PLCE1: variants seen among roughly 807,000 people sequenced by gnomAD.
PLCE1 encodes phospholipase C epsilon 1.
Under a neutral mutation model 242.8 loss-of-function variants are expected in PLCE1, and 119 were observed. The ratio of observed to expected loss-of-function variants is 0.49; its 90% CI spans 0.42 to 0.57. PLCE1 has a LOEUF of 0.57. Ranked by LOEUF, PLCE1 falls within the 20% of genes least tolerant of loss-of-function variation. The pLI, the probability that PLCE1 is intolerant of heterozygous loss-of-function variation, is 0.00. For missense variants in PLCE1, 2,441 were observed against 2,788.8 expected (o/e 0.88, Z 2.81); for synonymous variants, 945 against 1,017.4 (o/e 0.93, Z 1.35).
intron 20 of PLCE1, chr10:94,283,329 A>G (rs971612022): frequency 1.3e-5 from 2 of 159,344 alleles, no homozygotes; most frequent in Non-Finnish European, 1.4e-5. Flanking sequence ...GCATTTCTCA[A>G]GGTAAAAGAA....
chr10:94,211,016 T>C (rs1159493810), intron 4 of PLCE1, among the ~76,000 whole-genome samples: 1 of 152,174 alleles, frequency 6.6e-6, no homozygotes, highest in Non-Finnish European at 1.5e-5. Flanking sequence ...TATCTGAAAT[T>C]CTCCAGACAA....
At chr10:94,018,240 T>C (rs1332051164) in intron 1 of PLCE1, among the ~76,000 whole-genome samples, 2 of 152,196 alleles carry the variant, frequency 1.3e-5, no homozygotes, top group Admixed American at 1.3e-4. Flanking sequence ...GGATGTGTCA[T>C]GCAATGTGTT....
rs2053936122 is a variant in PLCE1, at chr10:94,324,458, C to T, written c.6611C>T (p.Thr2204Ile). ...VKDTTNKKTT[T>I]PKSSQRVLLD... ...GACACTACCAACAAGAAGACTACCA[C>T]ACCAAAGTCCTCTCAGCGGGTCCTT... The change falls in exon 31 of 33, where the codon ACA (threonine) becomes ATA (isoleucine). Residue 2204 changes from threonine (T) to isoleucine (I), a missense_variant. This residue lies in a region of PLCE1 where 310 missense variants were observed against 317.2 expected (regional missense o/e 0.98). Transcript: ENST00000371380. The T allele has an allele frequency of 6.2e-7, 1 of 1,614,080 alleles. No homozygotes were observed. Among genetic ancestry groups the T allele is most frequent in the Non-Finnish European group, 8.5e-7 (1 of 1,179,890 alleles).
chr10:94,020,020 C>T (rs901202533), intron 1 of PLCE1, among the ~76,000 whole-genome samples: 2 of 152,052 alleles, frequency 1.3e-5, no homozygotes, highest in African/African-American at 2.4e-5. Context: ...TTTTCTTCTA[C>T]GAATAGAATT....
chr10:94,074,924 C>G (rs1001318185), intron 2 of PLCE1, among the ~76,000 whole-genome samples: 1 of 152,178 alleles, frequency 6.6e-6, no homozygotes, highest in African/African-American at 2.4e-5. Context: ...GTCCTCTCCT[C>G]AACTGGACAA....
rs58610099 is a variant in PLCE1 at position 94,319,864 on chromosome 10, C to CTTTTTTTTTTTTTTTT, written c.6343-2029_6343-2014dup. On this transcript the variant is annotated intron_variant, in intron 29 of 32. Transcript: ENST00000371380. ...GCTCTGAGGGAGGCTCAAAGGTGCT[C>CTTTTTTTTTTTTTTTT]TTTTTTTTTTTTTTTTTTTTTTTGA... Among the ~76,000 whole-genome samples, 227 of 92,928 alleles carry CTTTTTTTTTTTTTTTT rather than the reference C, an allele frequency of 2.4e-3. 20 individuals carry two copies. Among genetic ancestry groups the CTTTTTTTTTTTTTTTT allele is most frequent in the Middle Eastern group, 7.7e-3 (1 of 130 alleles). 61.0% of individuals were successfully genotyped at this position (92,928 alleles called of 152,430 possible). A position where few individuals can be genotyped will look rare whatever the true frequency, so the allele number is the denominator to read the frequency against.
chr10:94,049,129 A>G (rs1226328770), intron 2 of PLCE1, among the ~76,000 whole-genome samples: 4 of 151,828 alleles, frequency 2.6e-5, no homozygotes, highest in Admixed American at 6.6e-5. Context: ...CTATATTTTA[A>G]TTGTCTTTTC....
At chr10:94,271,730 T>C (rs1442299218) in intron 18 of PLCE1, among the ~76,000 whole-genome samples, 1 of 152,200 alleles carries the variant, frequency 6.6e-6, no homozygotes, top group Non-Finnish European at 1.5e-5. Flanking sequence ...TGATAATGTA[T>C]CAGGGGAACC....
intron 4 of PLCE1, among the ~76,000 whole-genome samples, chr10:94,177,323 C>A (rs1323320392): frequency 1.3e-5 from 2 of 152,164 alleles, no homozygotes; most frequent in South Asian, 2.1e-4. Context: ...CCCATTCCCC[C>A]TTCTCATGCC....
intron 29 of PLCE1, among the ~76,000 whole-genome samples, chr10:94,317,607 G>A (rs2053620332): frequency 6.6e-6 from 1 of 152,154 alleles, no homozygotes; most frequent in Admixed American, 6.5e-5. Flanking sequence ...GCCTGAGTCA[G>A]AATTAGTAAC....
intron 29 of PLCE1, among the ~76,000 whole-genome samples, chr10:94,318,738 G>C (rs1317477395): frequency 6.6e-6 from 1 of 152,166 alleles, no homozygotes; most frequent in Non-Finnish European, 1.5e-5. Flanking sequence ...AGCTGGGGAG[G>C]TGAGGGACAC....
At chr10:94,081,776 G>A (rs2044660934) in intron 2 of PLCE1, among the ~76,000 whole-genome samples, 1 of 152,192 alleles carries the variant, frequency 6.6e-6, no homozygotes, top group Non-Finnish European at 1.5e-5. Flanking sequence ...ACAGCTAGGA[G>A]GTAATTAACA....
At chr10:94,280,239 C>A in intron 20 of PLCE1, 1 of 375,078 alleles carries the variant, frequency 2.7e-6, no homozygotes. Context: ...TGGCAGGAGT[C>A]GTAGACTGAG....
chr10:94,259,505 C>T (rs1357645760), intron 13 of PLCE1, among the ~76,000 whole-genome samples: 6 of 152,134 alleles, frequency 3.9e-5, no homozygotes, highest in African/African-American at 1.2e-4. Flanking sequence ...AGAATGGTCT[C>T]GATCTCCTGA....
chr10:94,297,368 A>G (rs1305028380), intron 23 of PLCE1, among the ~76,000 whole-genome samples: 2 of 152,086 alleles, frequency 1.3e-5, no homozygotes, highest in Non-Finnish European at 2.9e-5. Context: ...TAAGTTTACC[A>G]TCTTATGGGT....
intron 23 of PLCE1, among the ~76,000 whole-genome samples, chr10:94,294,900 A>C: frequency 6.8e-6 from 1 of 147,396 alleles, no homozygotes. Flanking sequence ...CATTTTACTC[A>C]TGATAGAACT....
At chr10:94,179,175 C>T (rs1179467647) in intron 4 of PLCE1, among the ~76,000 whole-genome samples, 4 of 152,110 alleles carry the variant, frequency 2.6e-5, no homozygotes, top group Admixed American at 2.0e-4. Flanking sequence ...CCAGAAATTT[C>T]TTGACTAAAA....
chr10:94,132,112 C>T, intron 2 of PLCE1, 62 bp from the exon 3 acceptor site: 1 of 1,530,306 alleles, frequency 6.5e-7, no homozygotes, highest in Non-Finnish European at 9.0e-7. Flanking sequence ...ATTTTGTCAA[C>T]AAGTTAATTT....
chr10:94,072,859 C>T (rs1218353142), intron 2 of PLCE1, among the ~76,000 whole-genome samples: 2 of 152,174 alleles, frequency 1.3e-5, no homozygotes, highest in Non-Finnish European at 2.9e-5. Flanking sequence ...CCAGAAGTGT[C>T]TACTCACCCA....
Sources: allele counts gnomAD v4.1 joint callset (sites outside exome capture counted in the v4.1 genomes callset), GRCh38; gene constraint gnomAD v4.1.1; regional missense constraint gnomAD v4.1.1; transcripts MANE v1.5; gene names NCBI Gene and HGNC (gene_info 2026-07-23, HGNC 2026-07-21).